The following CYTH3 variants were observed in gnomAD, a reference collection of about 807,000 sequenced individuals.
CYTH3 encodes cytohesin-3.
A neutral mutation model predicts 55.1 loss-of-function variants in CYTH3; 23 were observed. The ratio of observed to expected loss-of-function variants is 0.42; its 90% CI spans 0.30 to 0.59. The LOEUF is 0.59. Among genes scored for constraint, CYTH3 ranks in the 20% least tolerant of loss-of-function variants. The pLI is 0.20. For missense variants in CYTH3, 413 were observed against 524.8 expected (o/e 0.79, Z 2.08); for synonymous variants, 249 against 194.9 (o/e 1.28, Z -2.31).
At chr7:6,179,686 C>A (rs556643031) in intron 4 of CYTH3, among the ~76,000 whole-genome samples, 87 of 89,176 alleles carry the variant, frequency 9.8e-4, no homozygotes, top group Non-Finnish European at 1.6e-3. Flanking sequence ...CCACACACAC[C>A]CCCCCACACA....
chr7:6,184,131 G>A (rs578140469), intron 4 of CYTH3, among the ~76,000 whole-genome samples: 1 of 133,416 alleles, frequency 7.5e-6, no homozygotes, highest in East Asian at 2.4e-4. Flanking sequence ...CGGAATCTCG[G>A]CTTACTGCAA....
intron 1 of CYTH3, among the ~76,000 whole-genome samples, chr7:6,198,773 C>CT (rs1006975525): frequency 7.9e-6 from 1 of 126,650 alleles, no homozygotes; most frequent in Non-Finnish European, 1.5e-5. Context: ...AATAAAGCTG[C>CT]TAAAAAAAAA....
At chr7:6,237,426 G>T (rs575494685) in intron 1 of CYTH3, among the ~76,000 whole-genome samples, 1 of 152,148 alleles carries the variant, frequency 6.6e-6, no homozygotes, top group South Asian at 2.1e-4. Context: ...AAAAACACAT[G>T]CAGCCCGGTG....
intron 4 of CYTH3, among the ~76,000 whole-genome samples, chr7:6,182,031 G>T (rs976077130): frequency 3.3e-5 from 5 of 151,578 alleles, no homozygotes; most frequent in African/African-American, 1.2e-4. Flanking sequence ...TTGTTTTTTT[G>T]CTTCTTCTGT....
At chr7:6,220,003 C>G (rs775430971) in intron 1 of CYTH3, among the ~76,000 whole-genome samples, 4 of 152,080 alleles carry the variant, frequency 2.6e-5, no homozygotes, top group Non-Finnish European at 5.9e-5. Flanking sequence ...AGAGCCCACA[C>G]TCAGAGCCAA....
chr7:6,174,212 C>T (rs955541869), intron 5 of CYTH3, among the ~76,000 whole-genome samples: 2 of 151,832 alleles, frequency 1.3e-5, no homozygotes, highest in African/African-American at 4.8e-5. Context: ...CTCCTGGGTT[C>T]GAAGCGACTC....
At chr7:6,263,504 G>T (rs1336250317) in intron 1 of CYTH3, among the ~76,000 whole-genome samples, 1 of 152,182 alleles carries the variant, frequency 6.6e-6, no homozygotes, top group Non-Finnish European at 1.5e-5. Flanking sequence ...ACATTAAAAA[G>T]TTGAACACAG....
chr7:6,218,881 T>G (rs1583171712), intron 1 of CYTH3, among the ~76,000 whole-genome samples: 1 of 151,854 alleles, frequency 6.6e-6, no homozygotes, highest in African/African-American at 2.4e-5. Context: ...GGCGCACACC[T>G]GTAGTCCCAG....
At chr7:6,259,745 TA>T (rs1780233985) in intron 1 of CYTH3, among the ~76,000 whole-genome samples, 1 of 17,228 alleles carries the variant, frequency 5.8e-5, no homozygotes, top group African/African-American at 2.7e-4. Context: ...ATATATATAA[TA>T]TATATATATA....
chr7:6,263,220 A>G (rs1780399124), intron 1 of CYTH3, among the ~76,000 whole-genome samples: 1 of 152,246 alleles, frequency 6.6e-6, no homozygotes, highest in South Asian at 2.1e-4. Flanking sequence ...CTATAAAGCA[A>G]CACAAATTAA....
chr7:6,165,643 C>T, intron 10 of CYTH3, 27 bp from the exon 11 acceptor site: 3 of 1,613,032 alleles, frequency 1.9e-6, no homozygotes, highest in Non-Finnish European at 2.5e-6. Flanking sequence ...CACGGCGGGG[C>T]TCACTGTGGG....
intron 1 of CYTH3, among the ~76,000 whole-genome samples, chr7:6,254,472 G>C (rs772166999): frequency 3.9e-5 from 6 of 152,188 alleles, no homozygotes; most frequent in African/African-American, 1.4e-4. Flanking sequence ...TTTTTGAGAC[G>C]GAGTCTCGTT....
Position 6,184,049 on chromosome 7 carries a change from C to CTTTT in CYTH3, c.249+2997_249+3000dup, listed in dbSNP as rs60634853. On this transcript the variant is annotated intron_variant, in intron 4 of 12. Transcript: ENST00000350796. ...CATTGTTTACGCACCCCCTCTGTGG[C>CTTTT]TTTTTTTTTTTTTTTTTTTTTTTTT... Among the ~76,000 whole-genome samples the CTTTT allele has an allele frequency of 5.4e-4, 25 of 46,402 alleles. 2 individuals are homozygous for CTTTT. The highest frequency in any genetic ancestry group is 9.3e-4 in the Non-Finnish European group (24 of 25,918). The allele number at this position is 46,402 out of a possible 152,430, so 30.4% of individuals were successfully genotyped here.
In CYTH3 at chr7:6,205,875, T is replaced by TAAA. The variant is rs370194149; in HGVS notation, c.35-15347_35-15345dup. Among the ~76,000 whole-genome samples the TAAA allele has an allele frequency of 1.6e-3, 45 of 28,094 alleles. 5 individuals carry two copies. Among genetic ancestry groups the TAAA allele is most frequent in the East Asian group, 0.014 (8 of 556 alleles). The allele number at this position is 28,094 out of a possible 152,430, so 18.4% of individuals were successfully genotyped here. A position where few individuals can be genotyped will look rare whatever the true frequency, so the allele number is the denominator to read the frequency against. ...GGTGACAGAGCAAGGTCCTATCTCTTAAAAAAAAAAAAAAAAAAAAAAAAA... is the reference window on the plus strand; with the variant it reads ...GGTGACAGAGCAAGGTCCTATCTCTTAAAAAAAAAAAAAAAAAAAAAAAAAAAA... On this transcript the variant is annotated intron_variant, in intron 1 of 12. Coordinates refer to ENST00000350796, the MANE Select transcript of CYTH3 (RefSeq NM_004227.4).
Position 6,205,875 on chromosome 7 carries a change from T to TAAAAAA in CYTH3, c.35-15350_35-15345dup, listed in dbSNP as rs370194149. On this transcript the variant is annotated intron_variant, in intron 1 of 12. Coordinates refer to ENST00000350796, the MANE Select transcript of CYTH3 (RefSeq NM_004227.4). Reference sequence around the variant, plus strand: ...GGTGACAGAGCAAGGTCCTATCTCTTAAAAAAAAAAAAAAAAAAAAAAAAA... The same window carrying TAAAAAA: ...GGTGACAGAGCAAGGTCCTATCTCTTAAAAAAAAAAAAAAAAAAAAAAAAAAAAAAA... Among the ~76,000 whole-genome samples the TAAAAAA allele has an allele frequency of 3.4e-3, 95 of 28,090 alleles. 3 individuals are homozygous for TAAAAAA. Among genetic ancestry groups the TAAAAAA allele is most frequent in the African/African-American group, 0.015 (94 of 6,416 alleles). 18.4% of individuals were successfully genotyped at this position (28,090 alleles called of 152,430 possible). A position where few individuals can be genotyped will look rare whatever the true frequency, so the allele number is the denominator to read the frequency against.
In CYTH3 at chr7:6,170,454, C is replaced by G. The variant is rs1369970630; in HGVS notation, c.823+81G>C. 1.5e-6 allele frequency: 2 copies of G among 1,327,904 alleles called. No homozygotes were observed. Among genetic ancestry groups the G allele is most frequent in the East Asian group, 2.3e-5 (1 of 42,738 alleles). 82.3% of individuals were successfully genotyped at this position (1,327,904 alleles called of 1,614,324 possible). ...CTGCCTGCGGTGGGGGGCATTCCTA[C>G]GATGAGCCTGGGAGGAACCCGAGGG... On this transcript the variant is annotated intron_variant, in intron 9 of 12. Transcript: ENST00000350796. This position sits in a 1 kb window ranked among gnomAD's most constrained non-coding sequence, Gnocchi z 7.8.
intron 1 of CYTH3, among the ~76,000 whole-genome samples, chr7:6,199,203 T>TTAG (rs1308091447): frequency 1.3e-5 from 2 of 152,228 alleles, no homozygotes; most frequent in East Asian, 3.8e-4. Context: ...TTCCACAAAC[T>TTAG]TAGATCTGCA....
chr7:6,173,540 T>G, intron 6 of CYTH3, 113 bp downstream of exon 6: 2 of 736,328 alleles, frequency 2.7e-6, no homozygotes, highest in South Asian at 1.5e-5. Context: ...CCAGCATCTG[T>G]GAGACTCGTG....
At chr7:6,187,587 A>C (rs1299725693) in intron 3 of CYTH3, 70 bp downstream of exon 3, 1 of 1,392,936 alleles carries the variant, frequency 7.2e-7, no homozygotes, top group Admixed American at 1.7e-5. Flanking sequence ...CACTTTCTGC[A>C]AGTTTGACTA....
Sources: gnomAD v4.1 joint callset for allele counts (sites outside exome capture counted in the v4.1 genomes callset) on GRCh38, gnomAD v4.1.1 for gene constraint, Gnocchi (gnomAD v3.1) non-coding constraint, MANE v1.5 for transcripts, NCBI Gene and HGNC (gene_info 2026-07-23, HGNC 2026-07-21) for gene names.